ADAMTS6: variants seen among roughly 807,000 people sequenced by gnomAD.
ADAMTS6 encodes A disintegrin and metalloproteinase with thrombospondin motifs 6.
ADAMTS6 carries 23 observed loss-of-function variants against 144.3 expected under a neutral mutation model. The ratio of observed to expected loss-of-function variants is 0.16; its 90% CI spans 0.11 to 0.23. The LOEUF is 0.23. Among genes scored for constraint, ADAMTS6 ranks in the 10% least tolerant of loss-of-function variants. ADAMTS6 has a pLI of 1.00. For synonymous variants in ADAMTS6, 444 were observed against 457.5 expected (o/e 0.97, Z 0.38); for missense variants, 999 against 1,379.6 (o/e 0.72, Z 4.37).
intron 7 of ADAMTS6, among the ~76,000 whole-genome samples, chr5:65,355,954 T>A (rs930638771): frequency 1.2e-4 from 18 of 151,834 alleles, no homozygotes; most frequent in Non-Finnish European, 1.5e-4. Flanking sequence ...TTTCCTGTTA[T>A]CCCCTAATTT....
At chr5:65,207,212 T>C (rs1477761001) in intron 20 of ADAMTS6, among the ~76,000 whole-genome samples, 1 of 152,154 alleles carries the variant, frequency 6.6e-6, no homozygotes, top group African/African-American at 2.4e-5. Context: ...GATGCTTTTG[T>C]GTATTAGCAG....
chr5:65,374,190 A>T (rs1029263547), intron 7 of ADAMTS6, among the ~76,000 whole-genome samples: 2 of 152,178 alleles, frequency 1.3e-5, no homozygotes, highest in African/African-American at 4.8e-5. Context: ...TCCCTTAGAA[A>T]ACTGGCACAA....
At chr5:65,263,404 T>C (rs1297039813) in intron 12 of ADAMTS6, among the ~76,000 whole-genome samples, 1 of 149,876 alleles carries the variant, frequency 6.7e-6, no homozygotes, top group Non-Finnish European at 1.5e-5. Flanking sequence ...TGATGGTAAT[T>C]GCTCTTTCTT....
At chr5:65,170,518 A>T in intron 24 of ADAMTS6, 99 bp downstream of exon 24, 1 of 1,358,292 alleles carries the variant, frequency 7.4e-7, no homozygotes, top group South Asian at 1.5e-5. Flanking sequence ...CTCTACTCAA[A>T]CTACACTACA....
chr5:65,349,199 T>C (rs1201195420), intron 7 of ADAMTS6, among the ~76,000 whole-genome samples: 3 of 152,070 alleles, frequency 2.0e-5, no homozygotes, highest in Admixed American at 1.3e-4. Flanking sequence ...GTTAGTAGGG[T>C]CTTTTAAGTC....
chr5:65,397,973 A>G (rs1753499714), intron 7 of ADAMTS6, among the ~76,000 whole-genome samples: 2 of 151,236 alleles, frequency 1.3e-5, no homozygotes, highest in Non-Finnish European at 2.9e-5. Flanking sequence ...GATTAATTCC[A>G]TGTGGTTTGA....
At chr5:65,318,577 A>G (rs575674421) in intron 9 of ADAMTS6, among the ~76,000 whole-genome samples, 8 of 152,348 alleles carry the variant, frequency 5.3e-5, no homozygotes. Context: ...GCCATTTGCA[A>G]CAACGTGGAT....
intron 12 of ADAMTS6, among the ~76,000 whole-genome samples, chr5:65,270,171 C>A (rs897247542): frequency 6.6e-6 from 1 of 152,184 alleles, no homozygotes; most frequent in Non-Finnish European, 1.5e-5. Flanking sequence ...GGCAAGTATA[C>A]AAACTAACCA....
At chr5:65,218,248 T>G (rs944624251) in intron 18 of ADAMTS6, among the ~76,000 whole-genome samples, 1 of 152,218 alleles carries the variant, frequency 6.6e-6, no homozygotes, top group African/African-American at 2.4e-5. Context: ...AGAAGAATCA[T>G]GCTTTTGCAG....
intron 10 of ADAMTS6, among the ~76,000 whole-genome samples, chr5:65,295,487 T>C (rs1445526398): frequency 6.6e-6 from 1 of 152,092 alleles, no homozygotes. Flanking sequence ...ATACGCAAAT[T>C]TGTCCACTCA....
intron 11 of ADAMTS6, among the ~76,000 whole-genome samples, chr5:65,284,555 A>G (rs1440884776): frequency 1.3e-5 from 2 of 151,760 alleles, no homozygotes; most frequent in Non-Finnish European, 2.9e-5. Flanking sequence ...CCAAATTTAT[A>G]TCTATATTTA....
chr5:65,330,970 C>T (rs1746662127), intron 8 of ADAMTS6, among the ~76,000 whole-genome samples: 1 of 151,778 alleles, frequency 6.6e-6, no homozygotes, highest in South Asian at 2.1e-4. Context: ...TAATGAATGT[C>T]ATTTCCAATC....
intron 22 of ADAMTS6, among the ~76,000 whole-genome samples, chr5:65,175,646 A>T (rs550426046): frequency 9.9e-5 from 15 of 152,284 alleles, no homozygotes; most frequent in African/African-American, 3.6e-4. Flanking sequence ...AGTAAAAAAA[A>T]TAACTTTTAG....
intron 7 of ADAMTS6, among the ~76,000 whole-genome samples, chr5:65,422,345 C>A (rs1756120486): frequency 2.0e-5 from 3 of 152,168 alleles, no homozygotes; most frequent in African/African-American, 7.2e-5. Flanking sequence ...GAAAAGGGAA[C>A]ACTTTGCCAG....
At chr5:65,308,471 T>C (rs902716613) in intron 9 of ADAMTS6, among the ~76,000 whole-genome samples, 1 of 152,008 alleles carries the variant, frequency 6.6e-6, no homozygotes, top group African/African-American at 2.4e-5. Context: ...AACTGGCTGG[T>C]AATCAATTTT....
In ADAMTS6 at chr5:65,244,924, T is replaced by A. The variant is rs181863638; in HGVS notation, c.1831-2718A>T. 1.9e-3 allele frequency among the ~76,000 whole-genome samples: 292 copies of A among 152,286 alleles called. 2 individuals are homozygous for A. The highest frequency in any genetic ancestry group is 6.7e-3 in the African/African-American group (280 of 41,562). ...ATGCAACTTTCTTATCTTTCCAAAT[T>A]ACGTTTTTTCTCACTTGTAAAATGA... On this transcript the variant is annotated intron_variant, in intron 14 of 24. Coordinates refer to ENST00000381055, the MANE Select transcript of ADAMTS6 (RefSeq NM_197941.4).
intron 9 of ADAMTS6, among the ~76,000 whole-genome samples, chr5:65,316,937 G>C (rs540553155): frequency 6.6e-6 from 1 of 152,120 alleles, no homozygotes; most frequent in South Asian, 2.1e-4. Context: ...AGGTAGCTGA[G>C]ACTACAAGCG....
intron 12 of ADAMTS6, among the ~76,000 whole-genome samples, chr5:65,263,939 A>C (rs1226883226): frequency 6.6e-6 from 1 of 152,206 alleles, no homozygotes; most frequent in East Asian, 1.9e-4. Flanking sequence ...ACCTTATATT[A>C]AAATGAAAAG....
chr5:65,454,284 G>T (rs1759007609), intron 4 of ADAMTS6, among the ~76,000 whole-genome samples: 1 of 152,166 alleles, frequency 6.6e-6, no homozygotes, highest in African/African-American at 2.4e-5. Flanking sequence ...ACAGCAGCAA[G>T]AAATGTGCTA....
Sources: gnomAD v4.1 joint callset for allele counts (sites outside exome capture counted in the v4.1 genomes callset) on GRCh38, gnomAD v4.1.1 for gene constraint, MANE v1.5 for transcripts, NCBI Gene and HGNC (gene_info 2026-07-23, HGNC 2026-07-21) for gene names.